NPAS3: variants seen among roughly 807,000 people sequenced by gnomAD.
NPAS3 encodes neuronal PAS domain protein 3.
Under a neutral mutation model 73.1 loss-of-function variants are expected in NPAS3, and 14 were observed. The ratio of observed to expected loss-of-function variants is 0.19; its 90% CI spans 0.13 to 0.30. The LOEUF is 0.30. NPAS3 is among the 10% of genes least tolerant of loss of function. The pLI is 1.00. For missense variants in NPAS3, 1,096 were observed against 1,250.0 expected (o/e 0.88, Z 1.86); for synonymous variants, 620 against 541.5 (o/e 1.14, Z -2.01).
intron 2 of NPAS3, among the ~76,000 whole-genome samples, chr14:33,085,060 T>C (rs1373477640): frequency 1.3e-5 from 2 of 152,300 alleles, no homozygotes; most frequent in East Asian, 3.9e-4. Context: ...CTTAGCATTA[T>C]AAAAAGTTCA....
intron 5 of NPAS3, among the ~76,000 whole-genome samples, chr14:33,616,518 A>G (rs997428671): frequency 1.3e-5 from 2 of 152,124 alleles, no homozygotes; most frequent in African/African-American, 4.8e-5. Flanking sequence ...CTGAAATCAT[A>G]CTTTCCCTGT....
At chr14:33,476,791 C>T (rs917613072) in intron 4 of NPAS3, among the ~76,000 whole-genome samples, 4 of 152,088 alleles carry the variant, frequency 2.6e-5, no homozygotes, top group Non-Finnish European at 2.9e-5. Context: ...CTACAGGAAC[C>T]GCATCATATA....
chr14:33,450,025 T>C (rs1484194608), intron 4 of NPAS3, among the ~76,000 whole-genome samples: 2 of 152,192 alleles, frequency 1.3e-5, no homozygotes, highest in African/African-American at 2.4e-5. Flanking sequence ...CTGAGTACAA[T>C]GAGAAAGTTC....
chr14:33,686,069 A>G (rs1179135859), intron 6 of NPAS3, among the ~76,000 whole-genome samples: 1 of 152,246 alleles, frequency 6.6e-6, no homozygotes, highest in Non-Finnish European at 1.5e-5. Flanking sequence ...TGTGGCATAA[A>G]TAAATATGGT....
rs183267881 is a variant in NPAS3 at position 33,600,307 on chromosome 14, G to A, written c.558+40097G>A. ...TCCACTCCCCCAAGGTAATTACTTG[G>A]GTCAAATTGCCAATGGAGTCTGTAA... On this transcript the variant is annotated intron_variant, in intron 5 of 11. Transcript: ENST00000356141. Among the ~76,000 whole-genome samples the A allele has an allele frequency of 6.6e-5, 10 of 152,132 alleles. No homozygotes were observed. In the East Asian group the frequency reaches 1.7e-3, roughly 26 times the overall value.
chr14:33,631,339 A>G (rs1257124366), intron 5 of NPAS3, among the ~76,000 whole-genome samples: 1 of 152,218 alleles, frequency 6.6e-6, no homozygotes, highest in African/African-American at 2.4e-5. Context: ...GTTTGTGTGC[A>G]CCTGGATTGT....
intron 3 of NPAS3, among the ~76,000 whole-genome samples, chr14:33,289,200 G>C (rs909562653): frequency 1.1e-4 from 16 of 152,132 alleles, no homozygotes; most frequent in African/African-American, 3.6e-4. Context: ...AAAGTGGGGT[G>C]CTAAAGGAGT....
intron 2 of NPAS3, among the ~76,000 whole-genome samples, chr14:33,067,517 CT>C (rs1324104004): frequency 1.3e-5 from 2 of 152,204 alleles, no homozygotes; most frequent in Non-Finnish European, 2.9e-5. Context: ...ACTACTTGAC[CT>C]TTGCATTGTT....
intron 4 of NPAS3, among the ~76,000 whole-genome samples, chr14:33,401,973 T>C (rs772120023): frequency 7.9e-5 from 12 of 152,066 alleles, no homozygotes; most frequent in Non-Finnish European, 1.6e-4. Context: ...GAAAAGAAAT[T>C]GTAACTTATC....
At chr14:33,653,232 C>T (rs750809422) in intron 5 of NPAS3, among the ~76,000 whole-genome samples, 5 of 152,188 alleles carry the variant, frequency 3.3e-5, no homozygotes, top group Admixed American at 6.5e-5. Flanking sequence ...CTAAAAATGG[C>T]CCCGTATTGC....
At chr14:33,002,526 CT>C (rs2038846659) in intron 1 of NPAS3, among the ~76,000 whole-genome samples, 1 of 152,092 alleles carries the variant, frequency 6.6e-6, no homozygotes, top group African/African-American at 2.4e-5. Context: ...AAGGAGCCTG[CT>C]TTTTTCAGAC....
At chr14:33,769,625 A>G (rs1280555672) in intron 7 of NPAS3, among the ~76,000 whole-genome samples, 1 of 152,112 alleles carries the variant, frequency 6.6e-6, no homozygotes, top group African/African-American at 2.4e-5. Flanking sequence ...AACCTTTCTT[A>G]TGGAACATGC....
chr14:33,111,558 G>C (rs1337085255), intron 2 of NPAS3, among the ~76,000 whole-genome samples: 1 of 151,854 alleles, frequency 6.6e-6, no homozygotes, highest in Non-Finnish European at 1.5e-5. Flanking sequence ...TTAATGTGCA[G>C]GTTTCCCAAA....
intron 4 of NPAS3, among the ~76,000 whole-genome samples, chr14:33,453,072 A>G (rs558694715): frequency 1.0e-3 from 158 of 152,202 alleles, no homozygotes; most frequent in African/African-American, 3.8e-3. Flanking sequence ...ATGCCAGTGG[A>G]CCAGGTTCAT....
At chr14:33,123,405 C>G (rs1200456560) in intron 2 of NPAS3, among the ~76,000 whole-genome samples, 1 of 152,056 alleles carries the variant, frequency 6.6e-6, no homozygotes, top group Non-Finnish European at 1.5e-5. Flanking sequence ...AGTTGGGGTG[C>G]TGGTAACACA....
In NPAS3 at chr14:33,175,792, A is replaced by G. The variant is rs144056869; in HGVS notation, c.141-39390A>G. On this transcript the variant is annotated intron_variant, in intron 2 of 11. Coordinates refer to ENST00000356141, the Ensembl canonical transcript of NPAS3. ...TTTTTAAAAAAATCATTAGCAACAAACCATCTTAAAGTATCCTAGTATTTG... is the reference window on the plus strand; with the variant it reads ...TTTTTAAAAAAATCATTAGCAACAAGCCATCTTAAAGTATCCTAGTATTTG... 6.3e-3 allele frequency among the ~76,000 whole-genome samples: 950 copies of G among 150,522 alleles called. 10 individuals carry two copies. Among genetic ancestry groups the G allele is most frequent in the African/African-American group, 0.022 (915 of 41,078 alleles).
At chr14:33,617,842 A>T (rs2057965293) in intron 5 of NPAS3, among the ~76,000 whole-genome samples, 1 of 152,152 alleles carries the variant, frequency 6.6e-6, no homozygotes, top group Admixed American at 6.5e-5. Context: ...TGGTAAAGAG[A>T]GGTCTCTAAG....
At chr14:33,198,821 T>C (rs1347729269) in intron 2 of NPAS3, among the ~76,000 whole-genome samples, 1 of 152,186 alleles carries the variant, frequency 6.6e-6, no homozygotes, top group Admixed American at 6.5e-5. Context: ...CGGGCCACGC[T>C]GGAGCCCACT....
chr14:33,800,429 C>A lies in NPAS3; in HGVS notation c.2122C>A (p.His708Asn). ...TGGGGGTGGCGGTGGCGGGGGGCTGCACGTGGCCATTCCCGACTCGGTCCT... is the reference window on the plus strand; with the variant it reads ...TGGGGGTGGCGGTGGCGGGGGGCTGAACGTGGCCATTCCCGACTCGGTCCT... The change falls in exon 12 of 12, where the codon CAC (histidine) becomes AAC (asparagine). Residue 708 changes from histidine (H) to asparagine (N), a missense_variant. Coordinates refer to ENST00000356141, the Ensembl canonical transcript of NPAS3. This position sits in a 1 kb window ranked among gnomAD's most constrained non-coding sequence, Gnocchi z 6.5. The A allele has an allele frequency of 6.3e-7, 1 of 1,587,786 alleles. No individual in the cohort carries two copies. The highest frequency in any genetic ancestry group is 1.8e-5 in the Admixed American group (1 of 56,566).
Sources: allele counts gnomAD v4.1 joint callset (sites outside exome capture counted in the v4.1 genomes callset), GRCh38; gene constraint gnomAD v4.1.1; non-coding constraint Gnocchi (gnomAD v3.1); transcripts MANE v1.5; gene names NCBI Gene and HGNC (gene_info 2026-07-23, HGNC 2026-07-21).